Variants in DENND1A observed in about 807,000 individuals in gnomAD.
DENND1A encodes DENN domain containing 1A, also known as DENN domain-containing protein 1A.
DENND1A carries 51 observed loss-of-function variants against 113.7 expected under a neutral mutation model. That is an observed-to-expected ratio of 0.45 (90% CI 0.36 to 0.57). The LOEUF is 0.57. Among genes scored for constraint, DENND1A ranks in the 20% least tolerant of loss-of-function variants. The probability of loss-of-function intolerance (pLI) is 0.00; values close to 1 mark genes in which losing one functional copy is unlikely to be tolerated. For missense variants in DENND1A, 1,258 were observed against 1,395.9 expected, an observed-to-expected ratio of 0.90 and a Z score of 1.57; for synonymous variants, 565 against 570.8, an observed-to-expected ratio of 0.99 and a Z score of 0.14.
At chr9:123,753,160 A>T (rs1288560790) in intron 5 of DENND1A, among the ~76,000 whole-genome samples, 1 of 152,188 alleles carries the variant, frequency 6.6e-6, no homozygotes, top group South Asian at 2.1e-4. Flanking sequence ...TCCTTCATAA[A>T]ACAAGTACTA....
At chr9:123,502,242 T>C (rs1272207844) in intron 13 of DENND1A, among the ~76,000 whole-genome samples, 4 of 152,180 alleles carry the variant, frequency 2.6e-5, no homozygotes, top group African/African-American at 9.6e-5. Flanking sequence ...TAATACAGGC[T>C]CCATATATCT....
intron 19 of DENND1A, chr9:123,414,492 G>A: frequency 6.5e-7 from 1 of 1,538,444 alleles, no homozygotes; most frequent in Non-Finnish European, 8.8e-7. Context: ...ACCATCCTGG[G>A]AGACGCATTG....
At chr9:123,571,303 A>G (rs1238505577) in intron 12 of DENND1A, among the ~76,000 whole-genome samples, 2 of 152,226 alleles carry the variant, frequency 1.3e-5, no homozygotes, top group Non-Finnish European at 2.9e-5. Flanking sequence ...AAAATTAACT[A>G]AGTCATAACT....
chr9:123,781,984 C>T (rs1056979566), intron 3 of DENND1A, among the ~76,000 whole-genome samples: 1 of 151,934 alleles, frequency 6.6e-6, no homozygotes, highest in Admixed American at 6.6e-5. Flanking sequence ...GAAGAAGAAT[C>T]GCTTGAACCT....
At chr9:123,593,021 C>A (rs1040207205) in intron 11 of DENND1A, among the ~76,000 whole-genome samples, 5 of 152,138 alleles carry the variant, frequency 3.3e-5, no homozygotes, top group African/African-American at 1.2e-4. Flanking sequence ...ATAGAAGTGA[C>A]TCAATTGAGA....
At chr9:123,549,789 T>C (rs2135837387) in intron 13 of DENND1A, among the ~76,000 whole-genome samples, 1 of 152,290 alleles carries the variant, frequency 6.6e-6, no homozygotes, top group South Asian at 2.1e-4. Flanking sequence ...GAGATTTGCT[T>C]GTACCTATGT....
intron 13 of DENND1A, among the ~76,000 whole-genome samples, chr9:123,498,411 G>A (rs143454710): frequency 4.6e-5 from 7 of 152,340 alleles, no homozygotes; most frequent in South Asian, 2.1e-4. Context: ...GATCACCAGC[G>A]TGCTGGTCAA....
intron 1 of DENND1A, among the ~76,000 whole-genome samples, chr9:123,900,665 C>G (rs1564470283): frequency 6.6e-6 from 1 of 152,316 alleles, no homozygotes; most frequent in East Asian, 1.9e-4. Context: ...GATCTGGGCT[C>G]CAGTTGCAGC....
chr9:123,385,293 T>G (rs2042501513), intron 22 of DENND1A, among the ~76,000 whole-genome samples: 2 of 152,176 alleles, frequency 1.3e-5, no homozygotes, highest in East Asian at 3.9e-4. Context: ...GCCTCCTGAG[T>G]AGCTGGAATT....
chr9:123,551,696 T>G (rs1370087018), intron 13 of DENND1A, among the ~76,000 whole-genome samples: 1 of 152,208 alleles, frequency 6.6e-6, no homozygotes. Context: ...TGGACACCCC[T>G]GGCATCTCAG....
chr9:123,751,817 T>C (rs1160371857), intron 5 of DENND1A: 2 of 152,258 alleles, frequency 1.3e-5, no homozygotes, highest in African/African-American at 2.4e-5. Flanking sequence ...CCCCCACTCA[T>C]TCTGCAAGAC....
At chr9:123,408,648 T>G (rs569571781) in intron 20 of DENND1A, among the ~76,000 whole-genome samples, 3 of 152,262 alleles carry the variant, frequency 2.0e-5, no homozygotes, top group African/African-American at 7.2e-5. Flanking sequence ...CAGCATGCCA[T>G]CAACCCAGGA....
At chr9:123,663,047 A>T (rs1035289533) in intron 8 of DENND1A, among the ~76,000 whole-genome samples, 2 of 152,250 alleles carry the variant, frequency 1.3e-5, no homozygotes, top group Non-Finnish European at 2.9e-5. Flanking sequence ...TAGCTGGGCA[A>T]CTTGAAAATT....
At chr9:123,843,875 G>A (rs905724520) in intron 2 of DENND1A, among the ~76,000 whole-genome samples, 5 of 151,946 alleles carry the variant, frequency 3.3e-5, no homozygotes, top group African/African-American at 7.3e-5. Context: ...AAGTACTTAC[G>A]ATAGAATTTT....
intron 19 of DENND1A, among the ~76,000 whole-genome samples, chr9:123,428,676 C>T (rs2045920207): frequency 6.6e-6 from 1 of 152,222 alleles, no homozygotes; most frequent in South Asian, 2.1e-4. Flanking sequence ...CCAAAAGCTT[C>T]TTAAGCTGAT....
chr9:123,647,399 C>T (rs1478827197), intron 9 of DENND1A, among the ~76,000 whole-genome samples: 1 of 152,136 alleles, frequency 6.6e-6, no homozygotes, highest in African/African-American at 2.4e-5. Context: ...GCAACAAGGA[C>T]CATATGACCT....
intron 5 of DENND1A, among the ~76,000 whole-genome samples, chr9:123,720,067 A>T (rs768559746): frequency 2.6e-5 from 4 of 152,232 alleles, no homozygotes; most frequent in Non-Finnish European, 5.9e-5. Context: ...TTTAATTTCC[A>T]TACTGAAAAT....
intron 2 of DENND1A, among the ~76,000 whole-genome samples, chr9:123,870,911 GCTATT>G (rs990461664): frequency 1.4e-4 from 21 of 151,976 alleles, no homozygotes; most frequent in African/African-American, 3.9e-4. Flanking sequence ...AGGAAAGTTA[GCTATT>G]CTATTGCCAT....
chr9:123,820,722 T>A lies in DENND1A; in HGVS notation c.89-28092A>T, dbSNP rs1838323493. Among the ~76,000 whole-genome samples the A allele has an allele frequency of 2.0e-5, 3 of 152,376 alleles. No homozygotes were observed. In the South Asian group the frequency reaches 6.2e-4, roughly 32 times the overall value. On this transcript the variant is annotated intron_variant, in intron 2 of 23. Coordinates refer to ENST00000394215, the MANE Select transcript of DENND1A (RefSeq NM_001352964.2). ...TTATTGTTATTTCCCATATCTTATA[T>A]GTGATCATCTTTTGTAGGATTAAAG...
Sources: gnomAD v4.1 joint callset for allele counts (sites outside exome capture counted in the v4.1 genomes callset) on GRCh38, gnomAD v4.1.1 for gene constraint, MANE v1.5 for transcripts, NCBI Gene and HGNC (gene_info 2026-07-23, HGNC 2026-07-21) for gene names.